Variants in TLL2 observed in about 807,000 individuals in gnomAD.
TLL2 encodes tolloid like 2.
In TLL2, 106 loss-of-function variants were observed where a neutral mutation model predicts 123.0. The observed-to-expected ratio is 0.86, with a 90% CI of 0.74 to 1.01. TLL2 has a LOEUF of 1.01. Ranked by LOEUF, TLL2 falls within the 50% of genes least tolerant of loss-of-function variation. The pLI is 0.00. For missense variants in TLL2, 1,332 were observed against 1,336.7 expected, an observed-to-expected ratio of 1.00 and a Z score of 0.06; for synonymous variants, 494 against 516.8, an observed-to-expected ratio of 0.96 and a Z score of 0.60.
At chr10:96,471,990 C>A (rs17111898) in intron 2 of TLL2, among the ~76,000 whole-genome samples, 2 of 152,126 alleles carry the variant, frequency 1.3e-5, no homozygotes, top group African/African-American at 4.8e-5. Context: ...CAAAATGTCA[C>A]GCACAACATA....
chr10:96,437,831 A>G (rs1810592037), intron 3 of TLL2, among the ~76,000 whole-genome samples: 1 of 152,166 alleles, frequency 6.6e-6, no homozygotes, highest in Non-Finnish European at 1.5e-5. Flanking sequence ...GTTTCCTGCT[A>G]TTACAAATAA....
intron 5 of TLL2, among the ~76,000 whole-genome samples, chr10:96,425,327 T>C (rs999933417): frequency 2.0e-5 from 3 of 151,130 alleles, no homozygotes; most frequent in African/African-American, 7.3e-5. Flanking sequence ...CCAGATAAAC[T>C]CTAGTATCAT....
chr10:96,471,428 C>T (rs556131178), intron 2 of TLL2, among the ~76,000 whole-genome samples: 322 of 152,096 alleles, frequency 2.1e-3, no homozygotes, highest in Non-Finnish European at 3.7e-3. Flanking sequence ...CTGCAGGTTC[C>T]GGAAGAGTAC....
At chr10:96,465,914 T>C (rs1416116660) in intron 2 of TLL2, among the ~76,000 whole-genome samples, 1 of 152,240 alleles carries the variant, frequency 6.6e-6, no homozygotes, top group Non-Finnish European at 1.5e-5. Context: ...GCCAGAGTTC[T>C]GGATTTTTAT....
intron 10 of TLL2, among the ~76,000 whole-genome samples, chr10:96,403,545 T>A (rs1051146342): frequency 6.6e-6 from 1 of 152,180 alleles, no homozygotes. Context: ...TTGGTAAAAG[T>A]CATCGCCATT....
intron 2 of TLL2, among the ~76,000 whole-genome samples, chr10:96,472,830 G>A (rs1174639525): frequency 1.3e-5 from 2 of 152,232 alleles, no homozygotes; most frequent in East Asian, 3.9e-4. Flanking sequence ...TCTTTTTAGA[G>A]CCTCAAACCT....
chr10:96,371,186 T>C (rs1664252469), intron 19 of TLL2, among the ~76,000 whole-genome samples: 1 of 151,430 alleles, frequency 6.6e-6, no homozygotes, highest in African/African-American at 2.4e-5. Context: ...CTAGGTGTGG[T>C]GGTGGGCGCC....
chr10:96,376,469 G>A (rs1386183709), intron 18 of TLL2, among the ~76,000 whole-genome samples: 1 of 152,246 alleles, frequency 6.6e-6, no homozygotes, highest in Non-Finnish European at 1.5e-5. Context: ...CTGTGCCCAG[G>A]TGTGACCTAT....
intron 9 of TLL2, among the ~76,000 whole-genome samples, chr10:96,406,920 G>A (rs758107753): frequency 1.1e-4 from 17 of 151,588 alleles, no homozygotes; most frequent in East Asian, 3.9e-4. Flanking sequence ...TAAGATATCC[G>A]CATCCCTCCC....
At chr10:96,432,669 G>T in intron 4 of TLL2, 138 bp downstream of exon 4, 1 of 1,104,050 alleles carries the variant, frequency 9.1e-7, no homozygotes, top group Non-Finnish European at 1.3e-6. Context: ...TTGCCGGCAA[G>T]AGGGGGGCAT....
At chr10:96,486,157 G>C (rs116607285) in intron 1 of TLL2, among the ~76,000 whole-genome samples, 1 of 152,122 alleles carries the variant, frequency 6.6e-6, no homozygotes, top group South Asian at 2.1e-4. Context: ...TACTTATTTT[G>C]CTCATGAAAA....
intron 13 of TLL2, among the ~76,000 whole-genome samples, chr10:96,394,438 C>T (rs1056697365): frequency 6.6e-6 from 1 of 152,184 alleles, no homozygotes; most frequent in African/African-American, 2.4e-5. Flanking sequence ...GAAGCTGGCT[C>T]TTCTGGGGCC....
At chr10:96,387,236 A>C (rs1846244967) in intron 13 of TLL2, among the ~76,000 whole-genome samples, 158 bp from the exon 14 acceptor site, 1 of 152,154 alleles carries the variant, frequency 6.6e-6, no homozygotes. Flanking sequence ...ACCTCTGAAA[A>C]CCAGGCAGCA....
At chr10:96,474,347 C>G (rs1415942526) in intron 2 of TLL2, among the ~76,000 whole-genome samples, 1 of 152,170 alleles carries the variant, frequency 6.6e-6, no homozygotes, top group Non-Finnish European at 1.5e-5. Context: ...TTAATAGCAC[C>G]ATCTACCCAG....
At chr10:96,393,756 G>A (rs189540637) in intron 13 of TLL2, among the ~76,000 whole-genome samples, 76 of 140,578 alleles carry the variant, frequency 5.4e-4, no homozygotes, top group African/African-American at 2.0e-3. Flanking sequence ...TTTTTGGCTT[G>A]AGAAAGAAGC....
At chr10:96,481,229 C>T (rs547430979) in intron 1 of TLL2, among the ~76,000 whole-genome samples, 1 of 152,150 alleles carries the variant, frequency 6.6e-6, no homozygotes, top group Non-Finnish European at 1.5e-5. Context: ...TTACTGCAAC[C>T]TTGAAAGCCT....
At position 96,412,289 on chromosome 10, in the gene TLL2, G is replaced by A. The variant is rs149065447; in HGVS notation, c.1048+903C>T. On this transcript the variant is annotated intron_variant, in intron 8 of 20. Coordinates refer to ENST00000357947, the MANE Select transcript of TLL2 (RefSeq NM_012465.4). ...TGTGACAGCCCAGATTTTCTAAGAC[G>A]GTCCTCACTTCAAATACTTCATCCC... 1.9e-4 allele frequency among the ~76,000 whole-genome samples: 29 copies of A among 152,222 alleles called. 1 individual carries two copies. Among genetic ancestry groups the A allele is most frequent in the Admixed American group, 9.1e-4 (14 of 15,302 alleles).
At chr10:96,438,848 G>A (rs7095332) in intron 3 of TLL2, among the ~76,000 whole-genome samples, 5,833 of 152,070 alleles carry the variant, frequency 0.038, 367 homozygotes, top group African/African-American at 0.13. Context: ...CTAATTTGTT[G>A]AGTTTTTATC....
Position 96,494,531 on chromosome 10 carries a change from C to T in TLL2, c.176-14072G>A, listed in dbSNP as rs532929579. On this transcript the variant is annotated intron_variant, in intron 1 of 20. Transcript: ENST00000357947. ...CCTTACCTCATCTCACCTTCATCAACCAGGACACTTCCTGATTTTCATTTC... is the reference window on the plus strand; with the variant it reads ...CCTTACCTCATCTCACCTTCATCAATCAGGACACTTCCTGATTTTCATTTC... Among the ~76,000 whole-genome samples, 3 of 152,370 alleles carry T rather than the reference C, an allele frequency of 2.0e-5. No homozygotes were observed. In the East Asian group the frequency reaches 5.8e-4, roughly 29 times the overall value.
Sources: gnomAD v4.1 joint callset for allele counts (sites outside exome capture counted in the v4.1 genomes callset) on GRCh38, gnomAD v4.1.1 for gene constraint, MANE v1.5 for transcripts, NCBI Gene and HGNC (gene_info 2026-07-23, HGNC 2026-07-21) for gene names.